OXR1: variants seen among roughly 807,000 people sequenced by gnomAD.
OXR1 encodes oxidation resistance 1.
In OXR1, 41 loss-of-function variants were observed where a neutral mutation model predicts 104.6. The ratio of observed to expected loss-of-function variants is 0.39; its 90% CI spans 0.31 to 0.51. The LOEUF (loss-of-function observed/expected upper bound fraction) is 0.51. Among genes scored for constraint, OXR1 ranks in the 20% least tolerant of loss-of-function variants. The pLI is 0.77. For missense variants in OXR1, 955 were observed against 1,031.9 expected (o/e 0.93, Z 1.02); for synonymous variants, 348 against 348.4 (o/e 1.00, Z 0.01).
intron 3 of OXR1, among the ~76,000 whole-genome samples, chr8:106,620,583 C>G (rs568867262): frequency 5.9e-5 from 9 of 152,126 alleles, no homozygotes; most frequent in Non-Finnish European, 1.3e-4. Flanking sequence ...ACTGAACTCC[C>G]TGGAAAATAC....
chr8:106,711,387 T>C (rs143451515), intron 10 of OXR1, among the ~76,000 whole-genome samples: 3 of 152,278 alleles, frequency 2.0e-5, no homozygotes, highest in African/African-American at 7.2e-5. Context: ...AAAATTACTT[T>C]AACAGTTAGA....
At chr8:106,582,285 A>T (rs552491965) in intron 3 of OXR1, among the ~76,000 whole-genome samples, 90 of 150,884 alleles carry the variant, frequency 6.0e-4, no homozygotes, top group African/African-American at 2.2e-3. Flanking sequence ...AGAAATAAAA[A>T]TAACAAAGAC....
chr8:106,644,387 C>CA (rs1436983450), intron 3 of OXR1, among the ~76,000 whole-genome samples: 1 of 152,204 alleles, frequency 6.6e-6, no homozygotes, highest in Non-Finnish European at 1.5e-5. Context: ...CAAAATCTAT[C>CA]AGTCAAAATA....
chr8:106,380,158 T>G (rs1586585736), intron 2 of OXR1, among the ~76,000 whole-genome samples: 1 of 151,140 alleles, frequency 6.6e-6, no homozygotes, highest in East Asian at 1.9e-4. Context: ...TAATTTACTT[T>G]CTGTCTCTAT....
Position 106,689,157 on chromosome 8 carries a change from T to C in OXR1, c.526-3571T>C, listed in dbSNP as rs565816821. Among the ~76,000 whole-genome samples the C allele has an allele frequency of 3.3e-5, 5 of 152,292 alleles. No homozygotes were observed. The South Asian group carries it at 8.3e-4, about 25-fold the overall frequency. ...AGGCTGGAAGTCTGAATTCAGACTA[T>C]TGGTACGACCATGCTCCTTTTGAAA... On this transcript the variant is annotated intron_variant, in intron 6 of 16. Transcript: ENST00000517566.
At chr8:106,690,366 T>C (rs1181773401) in intron 6 of OXR1, among the ~76,000 whole-genome samples, 2 of 151,114 alleles carry the variant, frequency 1.3e-5, no homozygotes, top group African/African-American at 4.8e-5. Flanking sequence ...TAGTAAGGAA[T>C]TGTTTTTTAA....
chr8:106,625,660 T>C (rs992073001), intron 3 of OXR1, among the ~76,000 whole-genome samples: 4 of 152,186 alleles, frequency 2.6e-5, no homozygotes, highest in African/African-American at 7.2e-5. Context: ...TTAGGCCTGG[T>C]GAGATATGTT....
At chr8:106,676,401 C>A (rs1350631174) in intron 3 of OXR1, among the ~76,000 whole-genome samples, 3 of 151,782 alleles carry the variant, frequency 2.0e-5, no homozygotes, top group Non-Finnish European at 1.5e-5. Flanking sequence ...TTATAATGTC[C>A]CTGGTCTGTG....
At chr8:106,461,892 A>G (rs949256220) in intron 2 of OXR1, among the ~76,000 whole-genome samples, 12 of 152,218 alleles carry the variant, frequency 7.9e-5, no homozygotes, top group Non-Finnish European at 1.3e-4. Flanking sequence ...GAAACATTCA[A>G]ATTAAAACAC....
chr8:106,600,269 C>G lies in OXR1; in HGVS notation c.221-78941C>G, dbSNP rs559185936. ...TCCTATTTAAAGATATTCAAATCAA[C>G]TTAAAAATAAATGTTGTGCCTTCCA... On this transcript the variant is annotated intron_variant, in intron 3 of 16. Transcript: ENST00000517566. Among the ~76,000 whole-genome samples the G allele has an allele frequency of 7.9e-5, 12 of 152,334 alleles. No homozygotes were observed. The South Asian group carries it at 2.5e-3, about 32-fold the overall frequency.
At chr8:106,339,517 AAAATATATATATATATATAT>A (rs1475421328) in intron 1 of OXR1, among the ~76,000 whole-genome samples, 7 of 29,300 alleles carry the variant, frequency 2.4e-4, no homozygotes, top group African/African-American at 1.6e-3. Flanking sequence ...AAAAAAAAAA[AAAATATATATATATATATAT>A]ATATATATAT....
At chr8:106,445,556 G>C (rs1051128297) in intron 2 of OXR1, among the ~76,000 whole-genome samples, 1 of 152,124 alleles carries the variant, frequency 6.6e-6, no homozygotes, top group Non-Finnish European at 1.5e-5. Flanking sequence ...TCCTATGCAC[G>C]CTCTCACTTA....
intron 1 of OXR1, among the ~76,000 whole-genome samples, chr8:106,314,272 T>A (rs149017141): frequency 2.0e-3 from 297 of 152,304 alleles, no homozygotes; most frequent in African/African-American, 6.8e-3. Flanking sequence ...CAAACCGAAG[T>A]TCACTTTGGT....
At chr8:106,636,899 C>A (rs1178518696) in intron 3 of OXR1, among the ~76,000 whole-genome samples, 1 of 152,126 alleles carries the variant, frequency 6.6e-6, no homozygotes, top group Non-Finnish European at 1.5e-5. Context: ...GTATGATTTT[C>A]AATTTTGTAG....
At chr8:106,381,744 CTTATTAT>C (rs1416674346) in intron 2 of OXR1, among the ~76,000 whole-genome samples, 3 of 151,990 alleles carry the variant, frequency 2.0e-5, no homozygotes, top group African/African-American at 7.3e-5. Flanking sequence ...AGAAATGTTC[CTTATTAT>C]GGAATACTCT....
rs1491567966 is a variant in OXR1 at position 106,551,784 on chromosome 8, CTA to C, written c.220+32648_220+32649del. Among the ~76,000 whole-genome samples the C allele has an allele frequency of 2.7e-5, 3 of 111,214 alleles. No homozygotes were observed. The East Asian group carries it at 8.0e-4, about 30-fold the overall frequency. 73.0% of individuals were successfully genotyped at this position (111,214 alleles called of 152,430 possible). A position where few individuals can be genotyped will look rare whatever the true frequency, so the allele number is the denominator to read the frequency against. The stretch of plus-strand genomic sequence containing the variant: ...GCAACAAAGTGAGACCCTGTCTCCA[CTA>C]TACATATATATATATATATATATAT... On this transcript the variant is annotated intron_variant, in intron 3 of 16. Coordinates refer to ENST00000517566, the MANE Select transcript of OXR1 (RefSeq NM_001198533.2).
intron 1 of OXR1, among the ~76,000 whole-genome samples, chr8:106,277,205 T>A (rs1016157681): frequency 6.6e-6 from 1 of 152,330 alleles, no homozygotes; most frequent in Admixed American, 6.5e-5. Flanking sequence ...CCAGAACAGA[T>A]GGAAACTTTG....
At chr8:106,646,080 G>A (rs1824054085) in intron 3 of OXR1, among the ~76,000 whole-genome samples, 1 of 151,728 alleles carries the variant, frequency 6.6e-6, no homozygotes, top group East Asian at 1.9e-4. Context: ...TATTTTGCCT[G>A]TTCATCTTCT....
intron 2 of OXR1, among the ~76,000 whole-genome samples, chr8:106,362,462 C>T (rs935159484): frequency 9.2e-5 from 14 of 152,078 alleles, no homozygotes; most frequent in African/African-American, 3.1e-4. Flanking sequence ...TCTTTTTATA[C>T]ATTAAAGAAA....
Sources: allele counts gnomAD v4.1 joint callset (sites outside exome capture counted in the v4.1 genomes callset), GRCh38; gene constraint gnomAD v4.1.1; transcripts MANE v1.5; gene names NCBI Gene and HGNC (gene_info 2026-07-23, HGNC 2026-07-21).